Variants in SUGCT observed in about 807,000 individuals in gnomAD.
SUGCT encodes the protein succinyl-CoA:glutarate CoA-transferase.
In SUGCT, 41 loss-of-function variants were observed where a neutral mutation model predicts 55.0. The observed-to-expected ratio is 0.74, with a 90% CI of 0.58 to 0.97. The LOEUF (loss-of-function observed/expected upper bound fraction) is 0.97, where lower values mean the gene tolerates loss of function less well. Among genes scored for constraint, SUGCT ranks in the 50% least tolerant of loss-of-function variants. The pLI, the probability that SUGCT is intolerant of heterozygous loss-of-function variation, is 0.00. For synonymous variants in SUGCT, 187 were observed against 200.4 expected (o/e 0.93, Z 0.56); for missense variants, 568 against 547.8 (o/e 1.04, Z -0.37).
chr7:40,316,463 C>A (rs1023024613), intron 8 of SUGCT, among the ~76,000 whole-genome samples: 5 of 152,044 alleles, frequency 3.3e-5, no homozygotes, highest in Non-Finnish European at 7.4e-5. Flanking sequence ...AGGATAAAGG[C>A]CAGACCACGG....
At chr7:40,331,370 G>A (rs1240701389) in intron 9 of SUGCT, among the ~76,000 whole-genome samples, 1 of 152,100 alleles carries the variant, frequency 6.6e-6, no homozygotes, top group South Asian at 2.1e-4. Context: ...ACATTTAGGT[G>A]TAGTGTTTAA....
chr7:40,866,697 T>C, the SUGCT span, among the ~76,000 whole-genome samples: 1 of 151,828 alleles, frequency 6.6e-6, no homozygotes, highest in Non-Finnish European at 1.5e-5. Context: ...GTTTCCCATA[T>C]GCTGAGTCCC....
chr7:40,365,800 A>G (rs1445591676), intron 9 of SUGCT, among the ~76,000 whole-genome samples: 3 of 152,284 alleles, frequency 2.0e-5, no homozygotes, highest in Non-Finnish European at 4.4e-5. Context: ...CATGCTCATG[A>G]GTAGGCAGAA....
At chr7:40,617,578 G>A (rs1442241389) in intron 12 of SUGCT, among the ~76,000 whole-genome samples, 3 of 148,218 alleles carry the variant, frequency 2.0e-5, no homozygotes, top group African/African-American at 7.4e-5. Context: ...TGAAAAAAAG[G>A]CACTTAACTT....
chr7:40,662,504 C>T (rs1485558145), intron 12 of SUGCT, among the ~76,000 whole-genome samples: 1 of 152,240 alleles, frequency 6.6e-6, no homozygotes, highest in African/African-American at 2.4e-5. Flanking sequence ...CTCTCTCCCT[C>T]CTTGTTCACT....
intron 8 of SUGCT, among the ~76,000 whole-genome samples, chr7:40,282,708 A>T (rs1053015725): frequency 2.6e-5 from 4 of 151,552 alleles, no homozygotes; most frequent in Admixed American, 2.6e-4. Context: ...TGTCTATACA[A>T]AAAAATACAA....
intron 12 of SUGCT, among the ~76,000 whole-genome samples, chr7:40,682,561 G>A (rs1411491304): frequency 1.3e-5 from 2 of 152,208 alleles, no homozygotes; most frequent in Non-Finnish European, 2.9e-5. Flanking sequence ...GCACTCAGTT[G>A]ATGTCCGCTG....
chr7:40,848,272 C>T (rs1265542726), intron 13 of SUGCT, among the ~76,000 whole-genome samples: 1 of 150,410 alleles, frequency 6.6e-6, no homozygotes, highest in African/African-American at 2.4e-5. Flanking sequence ...TTACCTGGCA[C>T]TAACTAAAGT....
the SUGCT span, among the ~76,000 whole-genome samples, chr7:41,024,451 A>G: frequency 6.6e-6 from 1 of 152,240 alleles, no homozygotes; most frequent in Non-Finnish European, 1.5e-5. Flanking sequence ...CTCTTAACCA[A>G]CAAAGAATCC....
intron 13 of SUGCT, among the ~76,000 whole-genome samples, chr7:40,813,118 C>T (rs1428176362): frequency 6.6e-6 from 1 of 152,020 alleles, no homozygotes; most frequent in African/African-American, 2.4e-5. Context: ...TTGAGACTTG[C>T]TTTATGGACA....
chr7:41,024,450 A>G, the SUGCT span, among the ~76,000 whole-genome samples: 6 of 152,220 alleles, frequency 3.9e-5, no homozygotes, highest in African/African-American at 9.7e-5. Context: ...ACTCTTAACC[A>G]ACAAAGAATC....
chr7:40,272,750 C>A (rs1164614858), intron 7 of SUGCT, among the ~76,000 whole-genome samples: 1 of 151,370 alleles, frequency 6.6e-6, no homozygotes, highest in Non-Finnish European at 1.5e-5. Flanking sequence ...GCCTCCGCCT[C>A]CCGGGTTCAA....
intron 5 of SUGCT, among the ~76,000 whole-genome samples, chr7:40,190,693 G>T (rs2150736846): frequency 6.6e-6 from 1 of 152,232 alleles, no homozygotes; most frequent in South Asian, 2.1e-4. Flanking sequence ...CATCATGTGG[G>T]ATAAACCTTG....
At chr7:40,816,430 C>T (rs1465088500) in intron 13 of SUGCT, among the ~76,000 whole-genome samples, 1 of 152,108 alleles carries the variant, frequency 6.6e-6, no homozygotes, top group Non-Finnish European at 1.5e-5. Context: ...AAGTGTTCCC[C>T]CTTGGCCTGG....
intron 12 of SUGCT, among the ~76,000 whole-genome samples, chr7:40,583,664 A>AT (rs1797219530): frequency 2.0e-5 from 3 of 152,200 alleles, no homozygotes; most frequent in Admixed American, 1.3e-4. Flanking sequence ...ATAAATTGGC[A>AT]AAGTATCTTA....
chr7:40,364,501 G>A (rs548086456), intron 9 of SUGCT, among the ~76,000 whole-genome samples: 131 of 152,222 alleles, frequency 8.6e-4, no homozygotes, highest in African/African-American at 2.8e-3. Context: ...CTCTTGTAGG[G>A]CAGGCCTGGT....
chr7:40,379,280 G>A (rs532943734), intron 9 of SUGCT, among the ~76,000 whole-genome samples: 5 of 152,284 alleles, frequency 3.3e-5, no homozygotes, highest in Admixed American at 1.3e-4. Flanking sequence ...AAGCCACCTA[G>A]TTAGTCTGTG....
the SUGCT span, among the ~76,000 whole-genome samples, chr7:40,949,948 TG>T: frequency 6.6e-6 from 1 of 152,244 alleles, no homozygotes; most frequent in Non-Finnish European, 1.5e-5. Context: ...GGCTCTTTTT[TG>T]GTACCATATG....
intron 7 of SUGCT, among the ~76,000 whole-genome samples, chr7:40,272,582 G>A (rs917802691): frequency 6.0e-5 from 9 of 151,092 alleles, no homozygotes; most frequent in African/African-American, 2.2e-4. Flanking sequence ...ATATCTCTTC[G>A]TGATTGATTT....
Sources: allele counts gnomAD v4.1 joint callset (sites outside exome capture counted in the v4.1 genomes callset), GRCh38; gene constraint gnomAD v4.1.1; transcripts MANE v1.5; gene names NCBI Gene and HGNC (gene_info 2026-07-23, HGNC 2026-07-21).